The following GRM1 variants were observed in gnomAD, a reference collection of about 807,000 sequenced individuals.
GRM1 encodes glutamate metabotropic receptor 1, also known as metabotropic glutamate receptor 1.
Under a neutral mutation model 90.9 loss-of-function variants are expected in GRM1, and 33 were observed. The observed-to-expected ratio is 0.36, with a 90% confidence interval of 0.28 to 0.49. The LOEUF (loss-of-function observed/expected upper bound fraction) is 0.49, where lower values mean the gene tolerates loss of function less well. Ranked by LOEUF, GRM1 falls within the 20% of genes least tolerant of loss-of-function variation. The pLI is 0.99. For missense variants in GRM1, 1,190 were observed against 1,534.3 expected, an observed-to-expected ratio of 0.78 and a Z score of 3.75; for synonymous variants, 700 against 613.2, an observed-to-expected ratio of 1.14 and a Z score of -2.09.
At chr6:146,375,029 G>C (rs1776043602) in intron 5 of GRM1, among the ~76,000 whole-genome samples, 1 of 151,500 alleles carries the variant, frequency 6.6e-6, no homozygotes, top group Admixed American at 6.6e-5. Flanking sequence ...TCTTAATACT[G>C]TTTTTGCTAT....
At chr6:146,372,314 AT>A in intron 5 of GRM1, among the ~76,000 whole-genome samples, 1 of 151,942 alleles carries the variant, frequency 6.6e-6, no homozygotes, top group East Asian at 1.9e-4. Context: ...GGATTATCAG[AT>A]TTTTTTCCTA....
intron 7 of GRM1, among the ~76,000 whole-genome samples, chr6:146,402,078 T>C (rs1326552872): frequency 1.3e-5 from 2 of 152,196 alleles, no homozygotes; most frequent in Non-Finnish European, 2.9e-5. Context: ...ATCAGCATGG[T>C]CTAAATTAAC....
At position 146,310,918 on chromosome 6, in the gene GRM1, C is replaced by G. The variant is rs577780097; in HGVS notation, c.1186+6072C>G. 3.9e-5 allele frequency among the ~76,000 whole-genome samples: 6 copies of G among 152,278 alleles called. No individual in the cohort carries two copies. The South Asian group carries it at 1.0e-3, about 26-fold the overall frequency. On this transcript the variant is annotated intron_variant, in intron 3 of 7. Transcript: ENST00000282753. The stretch of plus-strand genomic sequence containing the variant: ...CCTAGTTGACTCCTAGATTCATGAA[C>G]TAAATAAATTATTATTGTTTTAAAC...
intron 1 of GRM1, among the ~76,000 whole-genome samples, chr6:146,077,061 T>A (rs1776211654): frequency 6.6e-6 from 1 of 152,212 alleles, no homozygotes; most frequent in African/African-American, 2.4e-5. Flanking sequence ...TATTTCGTTA[T>A]TTTGGAATTT....
At chr6:146,218,864 C>A (rs1455024514) in intron 2 of GRM1, among the ~76,000 whole-genome samples, 1 of 152,050 alleles carries the variant, frequency 6.6e-6, no homozygotes, top group Non-Finnish European at 1.5e-5. Flanking sequence ...TATAACACAT[C>A]GTTGTGGAAA....
intron 7 of GRM1, among the ~76,000 whole-genome samples, chr6:146,421,924 C>T (rs916168882): frequency 6.6e-6 from 1 of 151,968 alleles, no homozygotes; most frequent in African/African-American, 2.4e-5. Context: ...AAAAAACAGG[C>T]AAAAATGCAT....
chr6:146,423,926 T>C (rs1167666289), intron 7 of GRM1, among the ~76,000 whole-genome samples: 1 of 152,158 alleles, frequency 6.6e-6, no homozygotes, highest in Non-Finnish European at 1.5e-5. Context: ...TCATGGTGTT[T>C]TGTATTTTTC....
intron 2 of GRM1, among the ~76,000 whole-genome samples, chr6:146,175,224 C>T (rs1257906750): frequency 1.3e-5 from 2 of 152,164 alleles, no homozygotes; most frequent in Admixed American, 6.5e-5. Context: ...TTGGAAATCA[C>T]TTTTTCTGAT....
intron 1 of GRM1, among the ~76,000 whole-genome samples, chr6:146,150,790 T>A (rs1255480355): frequency 6.6e-6 from 1 of 152,102 alleles, no homozygotes; most frequent in Non-Finnish European, 1.5e-5. Flanking sequence ...CACAAATGAG[T>A]GAGAATATGC....
intron 5 of GRM1, among the ~76,000 whole-genome samples, chr6:146,367,158 T>C (rs757473931): frequency 6.6e-6 from 1 of 152,168 alleles, no homozygotes; most frequent in Non-Finnish European, 1.5e-5. Flanking sequence ...TATTAGAGAC[T>C]GTCCTTCCCC....
chr6:146,364,324 T>C (rs1775598180), intron 5 of GRM1, among the ~76,000 whole-genome samples: 1 of 152,214 alleles, frequency 6.6e-6, no homozygotes, highest in Non-Finnish European at 1.5e-5. Context: ...GGAGGAATTT[T>C]GTCTTGAATA....
chr6:146,129,164 G>T (rs1288169723), intron 1 of GRM1, among the ~76,000 whole-genome samples: 2 of 151,960 alleles, frequency 1.3e-5, no homozygotes, highest in East Asian at 3.9e-4. Flanking sequence ...ACATTTTATT[G>T]GAATTTTTCT....
intron 2 of GRM1, among the ~76,000 whole-genome samples, chr6:146,247,778 T>G (rs1020573685): frequency 1.1e-4 from 15 of 133,312 alleles, no homozygotes; most frequent in Admixed American, 2.3e-4. Context: ...GAAATGTGTG[T>G]GGTGTGTGTG....
At chr6:146,232,815 C>T (rs893133848) in intron 2 of GRM1, among the ~76,000 whole-genome samples, 1 of 152,006 alleles carries the variant, frequency 6.6e-6, no homozygotes, top group Non-Finnish European at 1.5e-5. Flanking sequence ...GGTTGGGACT[C>T]CAACATATGA....
chr6:146,114,126 C>A (rs774765207), intron 1 of GRM1, among the ~76,000 whole-genome samples: 27 of 152,014 alleles, frequency 1.8e-4, no homozygotes, highest in Non-Finnish European at 3.5e-4. Flanking sequence ...GACTCTGATG[C>A]GTAATATTTC....
At chr6:146,162,688 T>G (rs950122546) in intron 2 of GRM1, among the ~76,000 whole-genome samples, 1 of 152,172 alleles carries the variant, frequency 6.6e-6, no homozygotes, top group African/African-American at 2.4e-5. Context: ...AGCTCCATAT[T>G]TGACCACTTG....
upstream of GRM1, among the ~76,000 whole-genome samples, chr6:146,028,942 A>G (rs2128833670): frequency 6.6e-6 from 1 of 152,182 alleles, no homozygotes; most frequent in South Asian, 2.1e-4. Context: ...GTTTTAGGGG[A>G]CCAGGAAACG....
At position 146,434,212 on chromosome 6, in the gene GRM1, C is replaced by G. The variant is rs770209393; in HGVS notation, c.3001C>G (p.Pro1001Ala). The change falls in exon 8 of 8, where the codon CCC becomes GCC. Residue 1001 changes from proline to alanine, a missense_variant. Coordinates refer to ENST00000282753, the MANE Select transcript of GRM1 (RefSeq NM_001278064.2). Reference sequence around the variant, plus strand: ...GTCCCACCTGACCGCAGAGGAGACCCCCCTCTTCCTGGCCGAACCAGCCCT... The same window carrying G: ...GTCCCACCTGACCGCAGAGGAGACCGCCCTCTTCCTGGCCGAACCAGCCCT... ...LPSHLTAEET[P>A]LFLAEPALPK... The G allele has an allele frequency of 6.2e-7, 1 of 1,609,394 alleles. No individual in the cohort carries two copies. Among genetic ancestry groups the G allele is most frequent in the Non-Finnish European group, 8.5e-7 (1 of 1,176,584 alleles).
At chr6:146,051,639 G>A (rs1450991203) in intron 1 of GRM1, among the ~76,000 whole-genome samples, 5 of 152,080 alleles carry the variant, frequency 3.3e-5, no homozygotes, top group Non-Finnish European at 5.9e-5. Context: ...CAGATAAGTG[G>A]TTAGGGGGTC....
Sources: allele counts gnomAD v4.1 joint callset (sites outside exome capture counted in the v4.1 genomes callset), GRCh38; gene constraint gnomAD v4.1.1; transcripts MANE v1.5; gene names NCBI Gene and HGNC (gene_info 2026-07-23, HGNC 2026-07-21).